Variants in FAM171A1 observed in about 807,000 individuals in gnomAD.
FAM171A1 encodes family with sequence similarity 171 member A1.
Under a neutral mutation model 74.9 loss-of-function variants are expected in FAM171A1, and 23 were observed. That is an observed-to-expected ratio of 0.31 (90% CI 0.22 to 0.44). FAM171A1 has a LOEUF of 0.44. Ranked by LOEUF, FAM171A1 falls within the 20% of genes least tolerant of loss-of-function variation. The pLI is 1.00. For synonymous variants in FAM171A1, 527 were observed against 505.7 expected, an observed-to-expected ratio of 1.04 and a Z score of -0.57; for missense variants, 1,162 against 1,159.2, an observed-to-expected ratio of 1.00 and a Z score of -0.03.
chr10:15,263,635 C>T (rs1185946243), intron 3 of FAM171A1, among the ~76,000 whole-genome samples: 1 of 152,158 alleles, frequency 6.6e-6, no homozygotes, highest in East Asian at 1.9e-4. Flanking sequence ...CTTCCCCTCA[C>T]CATCCTGTTA....
rs530206914 is a variant in FAM171A1 at position 15,276,415 on chromosome 10, G to A, written c.326-468C>T. Among the ~76,000 whole-genome samples the A allele has an allele frequency of 3.3e-5, 5 of 152,278 alleles. No homozygotes were observed. The East Asian group carries it at 5.8e-4, about 18-fold the overall frequency. On this transcript the variant is annotated intron_variant, in intron 2 of 7. Coordinates refer to ENST00000378116, the MANE Select transcript of FAM171A1 (RefSeq NM_001010924.2). ...AAGCTGGTCTCGAACTCCTGACTTC[G>A]TGATCCACCTGCCTTGGCCTCCCAA...
chr10:15,368,601 A>T (rs1457562099), intron 1 of FAM171A1, among the ~76,000 whole-genome samples: 2 of 152,238 alleles, frequency 1.3e-5, no homozygotes, highest in Non-Finnish European at 2.9e-5. Flanking sequence ...AATGATGATC[A>T]CTAAAGGTTG....
At chr10:15,222,688 G>A (rs956222306) in intron 5 of FAM171A1, among the ~76,000 whole-genome samples, 2 of 152,144 alleles carry the variant, frequency 1.3e-5, no homozygotes, top group African/African-American at 2.4e-5. Context: ...GGGTTGCTTC[G>A]AGGCCTTATC....
intron 1 of FAM171A1, among the ~76,000 whole-genome samples, chr10:15,328,522 G>A (rs1010385369): frequency 1.3e-5 from 2 of 152,168 alleles, no homozygotes; most frequent in Non-Finnish European, 2.9e-5. Flanking sequence ...ACAGAGCGAC[G>A]CGGATACCTG....
intron 4 of FAM171A1, among the ~76,000 whole-genome samples, chr10:15,251,159 C>T (rs1273114997): frequency 6.6e-6 from 1 of 152,156 alleles, no homozygotes; most frequent in African/African-American, 2.4e-5. Flanking sequence ...GTACACTCAG[C>T]TTGAAACATT....
At chr10:15,352,063 T>A (rs1835886523) in intron 1 of FAM171A1, among the ~76,000 whole-genome samples, 1 of 32,964 alleles carries the variant, frequency 3.0e-5, no homozygotes. Context: ...AATACAATTT[T>A]TTTTTGTAAA....
rs1489440315 is a variant in FAM171A1 at position 15,213,388 on chromosome 10, C to T, written c.2200G>A (p.Gly734Arg). 5.6e-6 allele frequency: 9 copies of T among 1,614,062 alleles called. No homozygotes were observed. The highest frequency in any genetic ancestry group is 2.7e-5 in the African/African-American group (2 of 74,920). Residue 734 changes from glycine (G) to arginine (R), a missense_variant, in exon 8 of 8, where the codon GGA (glycine) becomes AGA (arginine). Gly to Arg is a moderately radical substitution (Grantham distance 125). Coordinates refer to ENST00000378116, the MANE Select transcript of FAM171A1 (RefSeq NM_001010924.2). This position sits in a 1 kb window ranked among gnomAD's most constrained non-coding sequence, Gnocchi z 6.8. ...GAGTCCAAACTGGCATCATTACTTC[C>T]GTTCCTTCCAGCTCTTTGGAGATCA... Reference protein sequence around the residue: ...YIDLQRAGRNGSNDASLDSGV... With the variant: ...YIDLQRAGRNRSNDASLDSGV...
chr10:15,361,599 C>T (rs1200399882), intron 1 of FAM171A1, among the ~76,000 whole-genome samples: 1 of 152,122 alleles, frequency 6.6e-6, no homozygotes, highest in Non-Finnish European at 1.5e-5. Flanking sequence ...AAGAGAATCG[C>T]TTGAACTCAG....
At chr10:15,279,886 T>C (rs1251881165) in intron 2 of FAM171A1, among the ~76,000 whole-genome samples, 1 of 150,820 alleles carries the variant, frequency 6.6e-6, no homozygotes, top group Non-Finnish European at 1.5e-5. Flanking sequence ...CCACTGAGAC[T>C]CTGTCTTGAA....
Position 15,273,862 on chromosome 10 carries a change from C to T in FAM171A1, c.418+1993G>A, listed in dbSNP as rs552979271. 3.9e-3 allele frequency among the ~76,000 whole-genome samples: 599 copies of T among 152,236 alleles called. 4 individuals carry two copies. The highest frequency in any genetic ancestry group is 7.2e-3 in the South Asian group (35 of 4,828). On this transcript the variant is annotated intron_variant, in intron 3 of 7. Coordinates refer to ENST00000378116, the MANE Select transcript of FAM171A1 (RefSeq NM_001010924.2). ...CTTCATGCTAAAAACTCTCAATAAA[C>T]TAGGTATTGATGGGATGTATCTCAA...
At chr10:15,278,427 G>A (rs770343118) in intron 2 of FAM171A1, among the ~76,000 whole-genome samples, 1 of 152,078 alleles carries the variant, frequency 6.6e-6, no homozygotes, top group Non-Finnish European at 1.5e-5. Context: ...GAAAACCTAC[G>A]TTCATACAGA....
intron 6 of FAM171A1, among the ~76,000 whole-genome samples, chr10:15,217,013 A>T (rs1026225438): frequency 1.3e-5 from 2 of 152,202 alleles, no homozygotes; most frequent in African/African-American, 4.8e-5. Context: ...GACTAAAATG[A>T]TATCCATCTT....
chr10:15,313,763 A>G (rs1835391139), intron 1 of FAM171A1, among the ~76,000 whole-genome samples: 1 of 152,220 alleles, frequency 6.6e-6, no homozygotes. Context: ...CACGGTTCAC[A>G]TTGTCATCCT....
At chr10:15,279,940 A>G (rs1380736692) in intron 2 of FAM171A1, among the ~76,000 whole-genome samples, 1 of 152,128 alleles carries the variant, frequency 6.6e-6, no homozygotes, top group Non-Finnish European at 1.5e-5. Context: ...ACCACAAATT[A>G]GCTGAGTGTG....
intron 3 of FAM171A1, among the ~76,000 whole-genome samples, chr10:15,263,348 G>C (rs1834686688): frequency 6.6e-6 from 1 of 152,096 alleles, no homozygotes; most frequent in Non-Finnish European, 1.5e-5. Flanking sequence ...TTTAATTTAT[G>C]GATTTACTAC....
At chr10:15,329,081 C>T (rs900828990) in intron 1 of FAM171A1, among the ~76,000 whole-genome samples, 4 of 152,056 alleles carry the variant, frequency 2.6e-5, no homozygotes, top group South Asian at 2.1e-4. Context: ...GGTGGGAGGA[C>T]GCCCTCAGAT....
intron 3 of FAM171A1, among the ~76,000 whole-genome samples, chr10:15,260,705 C>G (rs1834644539): frequency 6.6e-6 from 1 of 152,174 alleles, no homozygotes; most frequent in Admixed American, 6.5e-5. Flanking sequence ...GTCTCCATTC[C>G]AACTAGATCA....
chr10:15,364,043 T>C (rs879585163), intron 1 of FAM171A1, among the ~76,000 whole-genome samples: 1 of 67,030 alleles, frequency 1.5e-5, no homozygotes, highest in Non-Finnish European at 2.8e-5. Flanking sequence ...TCAAGTCGGG[T>C]GGGTGGAGGG....
intron 5 of FAM171A1, among the ~76,000 whole-genome samples, chr10:15,226,368 C>T (rs1430140550): frequency 6.6e-6 from 1 of 152,212 alleles, no homozygotes; most frequent in African/African-American, 2.4e-5. Context: ...TTCTGCGTTA[C>T]TGAAATTTCT....
Sources: allele counts gnomAD v4.1 joint callset (sites outside exome capture counted in the v4.1 genomes callset), GRCh38; gene constraint gnomAD v4.1.1; non-coding constraint Gnocchi (gnomAD v3.1); transcripts MANE v1.5; gene names NCBI Gene and HGNC (gene_info 2026-07-23, HGNC 2026-07-21).